CHFR: variants seen among roughly 807,000 people sequenced by gnomAD.
The protein encoded by CHFR is checkpoint with forkhead and ring finger domains, also known as E3 ubiquitin-protein ligase CHFR.
CHFR carries 57 observed loss-of-function variants against 87.6 expected under a neutral mutation model. That is an observed-to-expected ratio of 0.65 (90% CI 0.53 to 0.81). CHFR has a LOEUF of 0.81. Among genes scored for constraint, CHFR ranks in the 30% least tolerant of loss-of-function variants. CHFR has a pLI of 0.00. For synonymous variants in CHFR, 381 were observed against 359.2 expected (o/e 1.06, Z -0.69); for missense variants, 797 against 865.8 (o/e 0.92, Z 1.00).
At chr12:132,880,740 G>A (rs1364119688) in intron 2 of CHFR, among the ~76,000 whole-genome samples, 1 of 152,144 alleles carries the variant, frequency 6.6e-6, no homozygotes. Flanking sequence ...GCCGAGGCGG[G>A]CGGATCACAA....
rs779441212 is a variant in CHFR, at chr12:132,851,677, T to C, written c.1433A>G (p.Gln478Arg). Residue 478 changes from glutamine (Q) to arginine (R), a missense_variant, in exon 12 of 18, where the codon CAG becomes CGG. Coordinates refer to ENST00000450056, the MANE Select transcript of CHFR (RefSeq NM_001161346.2). ...GSHALCTCCF[Q>R]PMPDRRAERE... Reference sequence around the variant, plus strand: ...CTCCGCTCTCCGGTCGGGCATGGGCTGGAAGCAGCAGGTGCACAGGGCGTG... The same window carrying C: ...CTCCGCTCTCCGGTCGGGCATGGGCCGGAAGCAGCAGGTGCACAGGGCGTG... 6.2e-7 allele frequency: 1 copy of C among 1,613,402 alleles called. No individual in the cohort carries two copies. The highest frequency in any genetic ancestry group is 1.1e-5 in the South Asian group (1 of 91,078).
At position 132,869,705 on chromosome 12, in the gene CHFR, G is replaced by A. The variant is rs1951440243; in HGVS notation, c.497C>T (p.Ser166Leu). The change falls in exon 6 of 18, where the codon TCA becomes TTA. Residue 166 changes from serine (S) to leucine (L), a missense_variant. Around this residue, in one of 2 missense-constraint regions of CHFR, gnomAD observed 597 missense variants for 601.2 expected, o/e 0.99. Transcript: ENST00000450056. The stretch of plus-strand genomic sequence containing the variant: ...GGGGAAGAGGTCTGACGTCGATGTT[G>A]ATGGCTGTGGTTCCTCAAAGCACAC... ...TQVCFEEPQP[S>L]TSTSDLFPTA... The A allele has an allele frequency of 1.9e-6, 3 of 1,551,710 alleles. No homozygotes were observed. Among genetic ancestry groups the A allele is most frequent in the Non-Finnish European group, 2.6e-6 (3 of 1,147,006 alleles).
At chr12:132,882,544 G>A (rs1280312946) in intron 2 of CHFR, among the ~76,000 whole-genome samples, 1 of 152,054 alleles carries the variant, frequency 6.6e-6, no homozygotes, top group East Asian at 1.9e-4. Context: ...CTGTACTATT[G>A]GAAGTACTGT....
Position 132,877,887 on chromosome 12 carries a change from C to A in CHFR, c.134-233G>T, listed in dbSNP as rs376528866. On this transcript the variant is annotated intron_variant, in intron 2 of 17. Coordinates refer to ENST00000450056, the MANE Select transcript of CHFR (RefSeq NM_001161346.2). ...GCACCATCTCGGCTCACTGCAAGCTCCGCCTCCCAGGTTCACACCATTCTC... is the reference window on the plus strand; with the variant it reads ...GCACCATCTCGGCTCACTGCAAGCTACGCCTCCCAGGTTCACACCATTCTC... Among the ~76,000 whole-genome samples the A allele has an allele frequency of 3.9e-5, 6 of 152,182 alleles. No individual in the cohort carries two copies. In the South Asian group the frequency reaches 6.2e-4, roughly 16 times the overall value.
Position 132,872,266 on chromosome 12 carries a change from A to T in CHFR, c.343+19T>A. The T allele has an allele frequency of 6.4e-7, 1 of 1,557,670 alleles. No homozygotes were observed. The highest frequency in any genetic ancestry group is 1.1e-5 in the South Asian group (1 of 89,856). On this transcript the variant is annotated intron_variant, in intron 4 of 17. Transcript: ENST00000450056. The stretch of plus-strand genomic sequence containing the variant: ...ACCCCCGTGCGGGTCTGACCCCGGC[A>T]AGCCTTCCTCTCTCTTACTGTGTTC...
chr12:132,884,562 T>C (rs1206719672), intron 2 of CHFR, among the ~76,000 whole-genome samples: 1 of 152,186 alleles, frequency 6.6e-6, no homozygotes, highest in Middle Eastern at 3.2e-3. Context: ...TGACTGTATT[T>C]GGAAATGGGG....
chr12:132,874,874 C>T (rs866385045), intron 3 of CHFR, among the ~76,000 whole-genome samples: 8 of 148,600 alleles, frequency 5.4e-5, no homozygotes, highest in East Asian at 2.1e-4. Flanking sequence ...CTGGAACAGG[C>T]GGGACTGCCC....
Position 132,838,350 on chromosome 12 carries a change from A to G in CHFR, c.*3204T>C, listed in dbSNP as rs534429537. The G allele has an allele frequency of 1.3e-5, 2 of 152,484 alleles. No homozygotes were observed. Among genetic ancestry groups the G allele is most frequent in the East Asian group, 3.9e-4 (2 of 5,184 alleles). The allele number at this position is 152,484 out of a possible 1,614,324, so 9.4% of individuals were successfully genotyped here. ...CAGTCTGTTTTAAGCCAATCTGCCC[A>G]GACTTCCTGGCTGCAGTCAGAAGCT... On this transcript the variant is annotated 3_prime_UTR_variant, in exon 18 of 18. Transcript: ENST00000450056.
rs538483221 is a variant in CHFR, at chr12:132,832,590, T to C, written c.*8964A>G. 1 of 152,290 alleles carries C rather than the reference T, an allele frequency of 6.6e-6. No homozygotes were observed. The highest frequency in any genetic ancestry group is 1.5e-5 in the Non-Finnish European group (1 of 68,020). The allele number at this position is 152,290 out of a possible 1,614,324, so 9.4% of individuals were successfully genotyped here. On this transcript the variant is annotated 3_prime_UTR_variant, in exon 18 of 18. Transcript: ENST00000450056. ...AAAATATCAAGGTACTCCATAAATA[T>C]ATACACCTTTTATGTACCCACAGTA...
intron 6 of CHFR, chr12:132,865,866 G>A (rs1276735883): frequency 6.6e-6 from 1 of 151,892 alleles, no homozygotes; most frequent in Non-Finnish European, 1.5e-5. Flanking sequence ...TAAAGATACG[G>A]TTTCACCATG....
At chr12:132,879,934 C>T (rs1260559676) in intron 2 of CHFR, among the ~76,000 whole-genome samples, 3 of 152,312 alleles carry the variant, frequency 2.0e-5, no homozygotes, top group East Asian at 1.9e-4. Flanking sequence ...AGCCTTGCTC[C>T]CATCACTGAC....
At chr12:132,848,747 A>C in intron 12 of CHFR, 23 bp from the exon 13 acceptor site, 1 of 1,544,766 alleles carries the variant, frequency 6.5e-7, no homozygotes, top group South Asian at 1.2e-5. Flanking sequence ...GACACTCGTT[A>C]CACGCACTCA....
chr12:132,838,324 T>TCA lies in CHFR; in HGVS notation c.*3228_*3229dup, dbSNP rs1950663551. 2 of 152,264 alleles carry TCA rather than the reference T, an allele frequency of 1.3e-5. No homozygotes were observed. The highest frequency in any genetic ancestry group is 2.9e-5 in the Non-Finnish European group (2 of 68,088). 9.4% of individuals were successfully genotyped at this position (152,264 alleles called of 1,614,324 possible). ...AGGGAGGAGGGTTGGCCTGAATCCC[T>TCA]CAGTCTGTTTTAAGCCAATCTGCCC... On this transcript the variant is annotated 3_prime_UTR_variant, in exon 18 of 18. Transcript: ENST00000450056.
At position 132,870,772 on chromosome 12, in the gene CHFR, G is replaced by C. The variant is rs773555344; in HGVS notation, c.355C>G (p.Leu119Val). ...KNEPEHNVAY[L>V]YESLSEKQGM... is the part of the protein sequence containing the mutation. ...TGCTTTTCACTTAAAGATTCATAGA[G>C]GTATGCCACGTCTAAAAGAAAATCA... Residue 119 changes from leucine (L) to valine (V), a missense_variant, in exon 5 of 18, where the codon CTC becomes GTC. By Grantham distance (32) the Leu-to-Val change is conservative. Coordinates refer to ENST00000450056, the MANE Select transcript of CHFR (RefSeq NM_001161346.2). 8.7e-6 allele frequency: 14 copies of C among 1,607,710 alleles called. No individual in the cohort carries two copies. The East Asian group carries it at 3.1e-4, about 36-fold the overall frequency.
chr12:132,861,364 C>G, intron 7 of CHFR, 103 bp downstream of exon 7: 1 of 1,174,542 alleles, frequency 8.5e-7, no homozygotes, highest in Non-Finnish European at 1.2e-6. Context: ...GGTCCACATG[C>G]CCCTGCAGGA....
intron 6 of CHFR, chr12:132,866,215 C>T (rs1402565729): frequency 6.6e-6 from 1 of 152,168 alleles, no homozygotes; most frequent in Non-Finnish European, 1.5e-5. Context: ...AACTTAGTGT[C>T]CCCAATTAGC....
intron 15 of CHFR, among the ~76,000 whole-genome samples, chr12:132,845,174 G>A (rs1401170530): frequency 2.0e-5 from 3 of 151,970 alleles, no homozygotes; most frequent in Admixed American, 6.6e-5. Context: ...CAAAGATATC[G>A]GCCAGGCACG....
intron 2 of CHFR, among the ~76,000 whole-genome samples, chr12:132,878,573 G>A (rs945498728): frequency 1.3e-5 from 2 of 150,984 alleles, no homozygotes; most frequent in African/African-American, 4.9e-5. Flanking sequence ...GGCTAGGTCC[G>A]GTGGCTCACA....
At chr12:132,853,970 A>C (rs1951007403) in intron 10 of CHFR, 1 of 176,380 alleles carries the variant, frequency 5.7e-6, no homozygotes, top group African/African-American at 2.4e-5. Flanking sequence ...ACTGGGAGCC[A>C]CACCAGGCGC....
Sources: allele counts gnomAD v4.1 joint callset (sites outside exome capture counted in the v4.1 genomes callset), GRCh38; gene constraint gnomAD v4.1.1; regional missense constraint gnomAD v4.1.1; transcripts MANE v1.5; gene names NCBI Gene and HGNC (gene_info 2026-07-23, HGNC 2026-07-21).